The following PTPRZ1 variants were observed in gnomAD, a reference collection of about 807,000 sequenced individuals.
PTPRZ1 encodes the protein protein tyrosine phosphatase receptor type Z1.
A neutral mutation model predicts 214.1 loss-of-function variants in PTPRZ1; 82 were observed. The observed-to-expected ratio is 0.38, with a 90% CI of 0.32 to 0.46. The LOEUF is 0.46. Among genes scored for constraint, PTPRZ1 ranks in the 20% least tolerant of loss-of-function variants. The pLI, the probability that PTPRZ1 is intolerant of heterozygous loss-of-function variation, is 1.00. For missense variants in PTPRZ1, 2,603 were observed against 2,748.7 expected (o/e 0.95, Z 1.19); for synonymous variants, 945 against 987.9 (o/e 0.96, Z 0.81).
intron 2 of PTPRZ1, among the ~76,000 whole-genome samples, chr7:121,937,334 T>C (rs563341950): frequency 6.6e-6 from 1 of 152,078 alleles, no homozygotes; most frequent in East Asian, 1.9e-4. Context: ...AGGAGACAGT[T>C]GGGGGACTGA....
At chr7:121,988,910 G>A (rs963877899) in intron 8 of PTPRZ1, among the ~76,000 whole-genome samples, 1 of 152,122 alleles carries the variant, frequency 6.6e-6, no homozygotes, top group Non-Finnish European at 1.5e-5. Flanking sequence ...TAGCATGTGT[G>A]TACAGTTCAT....
chr7:122,036,578 A>G, intron 17 of PTPRZ1, 22 bp from the exon 18 acceptor site: 1 of 1,504,198 alleles, frequency 6.6e-7, no homozygotes, highest in South Asian at 1.1e-5. Flanking sequence ...CTACAATGAA[A>G]TATATTCTCT....
In PTPRZ1 at chr7:121,873,417, A is replaced by C. The variant is rs1019120003; in HGVS notation, c.-83A>C. 32 of 1,438,210 alleles carry C rather than the reference A, an allele frequency of 2.2e-5. No individual in the cohort carries two copies. The highest frequency in any genetic ancestry group is 2.4e-4 in the Middle Eastern group (1 of 4,252). 89.1% of individuals were successfully genotyped at this position (1,438,210 alleles called of 1,614,324 possible). A position where few individuals can be genotyped will look rare whatever the true frequency, so the allele number is the denominator to read the frequency against. On this transcript the variant is annotated 5_prime_UTR_variant, in exon 1 of 30. Coordinates refer to ENST00000393386, the MANE Select transcript of PTPRZ1 (RefSeq NM_002851.3). ...TGGAGGATTAAAACAAACAAACAAA[A>C]AAAACATTTCCTTCGCTCCCCCTCC...
chr7:122,029,618 A>G (rs1799314797), intron 14 of PTPRZ1, among the ~76,000 whole-genome samples: 1 of 151,972 alleles, frequency 6.6e-6, no homozygotes, highest in African/African-American at 2.4e-5. Flanking sequence ...CTGATGCTCC[A>G]TATTCCATTG....
chr7:121,931,834 A>G (rs569687862), intron 2 of PTPRZ1, among the ~76,000 whole-genome samples: 1 of 152,198 alleles, frequency 6.6e-6, no homozygotes, highest in African/African-American at 2.4e-5. Context: ...AAGTTGAATC[A>G]TCTTGCTCAT....
At chr7:121,932,596 C>CCCTT (rs1188098194) in intron 2 of PTPRZ1, among the ~76,000 whole-genome samples, 1 of 152,048 alleles carries the variant, frequency 6.6e-6, no homozygotes, top group African/African-American at 2.4e-5. Flanking sequence ...AAATGGCTTG[C>CCCTT]CCTTGAGTGT....
At chr7:122,034,197 GTTTGT>G (rs1376433767) in intron 16 of PTPRZ1, 80 bp from the exon 17 acceptor site, 1 of 1,562,248 alleles carries the variant, frequency 6.4e-7, no homozygotes, top group Non-Finnish European at 8.8e-7. Context: ...AGATTATTTT[GTTTGT>G]TTTGTCTTCG....
chr7:121,879,552 G>A (rs538071924), intron 1 of PTPRZ1, among the ~76,000 whole-genome samples: 4 of 152,166 alleles, frequency 2.6e-5, no homozygotes, highest in Non-Finnish European at 4.4e-5. Flanking sequence ...GTGGATGTAC[G>A]TGCTTTTGGA....
intron 1 of PTPRZ1, among the ~76,000 whole-genome samples, chr7:121,913,779 G>A (rs1393726745): frequency 6.6e-6 from 1 of 151,998 alleles, no homozygotes; most frequent in East Asian, 1.9e-4. Context: ...AATAGAATAA[G>A]ATTGAGTGAA....
At chr7:122,054,169 T>C (rs1164183657) in intron 26 of PTPRZ1, 131 bp downstream of exon 26, 2 of 979,048 alleles carry the variant, frequency 2.0e-6, no homozygotes, top group Non-Finnish European at 3.0e-6. Flanking sequence ...ATTGAAGGCA[T>C]ACTCTTCTGC....
chr7:121,989,062 C>G (rs1468203599), intron 8 of PTPRZ1, among the ~76,000 whole-genome samples: 2 of 152,164 alleles, frequency 1.3e-5, no homozygotes, highest in East Asian at 3.9e-4. Flanking sequence ...CATTTTGACT[C>G]TGTTGATCCT....
chr7:122,000,632 T>G (rs1480649024), intron 10 of PTPRZ1, among the ~76,000 whole-genome samples: 2 of 128,738 alleles, frequency 1.6e-5, no homozygotes, highest in African/African-American at 5.9e-5. Context: ...TTGCTGTCAT[T>G]CTTTGATAGA....
chr7:122,025,697 T>G (rs1799190415), intron 13 of PTPRZ1, among the ~76,000 whole-genome samples: 1 of 152,116 alleles, frequency 6.6e-6, no homozygotes, highest in Non-Finnish European at 1.5e-5. Flanking sequence ...AAGGAGAAGC[T>G]GTGGTGCTAA....
chr7:121,971,408 C>A (rs965117400), intron 3 of PTPRZ1, among the ~76,000 whole-genome samples: 1 of 152,082 alleles, frequency 6.6e-6, no homozygotes, highest in Non-Finnish European at 1.5e-5. Context: ...CAGAGGGTGA[C>A]AGTAGGTCTG....
intron 23 of PTPRZ1, among the ~76,000 whole-genome samples, chr7:122,047,711 C>A (rs184117942): frequency 2.0e-5 from 3 of 150,790 alleles, no homozygotes; most frequent in African/African-American, 7.3e-5. Flanking sequence ...TGCAGAGGCA[C>A]AATCTCGGCT....
At chr7:121,982,077 T>C (rs1797630733) in intron 6 of PTPRZ1, among the ~76,000 whole-genome samples, 1 of 152,238 alleles carries the variant, frequency 6.6e-6, no homozygotes. Context: ...GTGCTTATGA[T>C]GTGAAGTAGG....
chr7:121,935,232 T>C (rs1224969853), intron 2 of PTPRZ1, among the ~76,000 whole-genome samples: 1 of 152,210 alleles, frequency 6.6e-6, no homozygotes, highest in Non-Finnish European at 1.5e-5. Context: ...TTTTCTCTGC[T>C]AGTAAAACTA....
At chr7:122,032,846 A>C (rs182248161) in intron 15 of PTPRZ1, among the ~76,000 whole-genome samples, 65 of 152,298 alleles carry the variant, frequency 4.3e-4, no homozygotes, top group Admixed American at 5.9e-4. Context: ...AGGGTGGAAT[A>C]ATATAAATAA....
intron 18 of PTPRZ1, among the ~76,000 whole-genome samples, chr7:122,037,230 G>A (rs1009134343): frequency 2.0e-5 from 3 of 149,906 alleles, no homozygotes; most frequent in African/African-American, 4.9e-5. Context: ...AGCCGAGATC[G>A]CACTTCTGCA....
Sources: gnomAD v4.1 joint callset for allele counts (sites outside exome capture counted in the v4.1 genomes callset) on GRCh38, gnomAD v4.1.1 for gene constraint, MANE v1.5 for transcripts, NCBI Gene and HGNC (gene_info 2026-07-23, HGNC 2026-07-21) for gene names.